ADGRL2: variants seen among roughly 807,000 people sequenced by gnomAD.
ADGRL2 encodes calcium-independent alpha-latrotoxin receptor 2.
A neutral mutation model predicts 157.4 loss-of-function variants in ADGRL2; 44 were observed. That is an observed-to-expected ratio of 0.28 (90% CI 0.22 to 0.36). ADGRL2 has a LOEUF of 0.36. ADGRL2 is among the 10% of genes least tolerant of loss of function. ADGRL2 has a pLI of 1.00. For synonymous variants in ADGRL2, 585 were observed against 624.7 expected (o/e 0.94, Z 0.95); for missense variants, 1,510 against 1,768.9 (o/e 0.85, Z 2.63).
intron 1 of ADGRL2, among the ~76,000 whole-genome samples, chr1:81,348,033 A>C (rs2100812203): frequency 6.6e-6 from 1 of 152,314 alleles, no homozygotes; most frequent in African/African-American, 2.4e-5. Context: ...GGGCAAGGCT[A>C]CTTCCTCCTT....
intron 11 of ADGRL2, among the ~76,000 whole-genome samples, chr1:81,956,991 TAAATC>T (rs2149152444): frequency 6.6e-6 from 1 of 152,276 alleles, no homozygotes; most frequent in Non-Finnish European, 1.5e-5. Flanking sequence ...GAAATGGACA[TAAATC>T]AAATTAGCAC....
chr1:81,876,063 TAA>T (rs1005930201), intron 2 of ADGRL2, among the ~76,000 whole-genome samples: 14 of 152,184 alleles, frequency 9.2e-5, no homozygotes, highest in African/African-American at 3.1e-4. Flanking sequence ...TAAGGTATTG[TAA>T]AAAGTTGGAC....
chr1:81,804,193 G>C (rs960837791), intron 1 of ADGRL2, among the ~76,000 whole-genome samples: 1 of 152,088 alleles, frequency 6.6e-6, no homozygotes, highest in South Asian at 2.1e-4. Flanking sequence ...ATTTACTTCT[G>C]TCCAGGTGTG....
At chr1:81,385,858 T>C (rs938632281) in intron 1 of ADGRL2, among the ~76,000 whole-genome samples, 3 of 152,036 alleles carry the variant, frequency 2.0e-5, no homozygotes, top group Admixed American at 6.5e-5. Flanking sequence ...TAAGTAAACA[T>C]AAAGATTTAC....
At chr1:81,723,138 A>G in intron 1 of ADGRL2, 3 of 640,076 alleles carry the variant, frequency 4.7e-6, no homozygotes, top group East Asian at 2.7e-5. Flanking sequence ...GGATGTCGCA[A>G]TAATACAAAC....
intron 1 of ADGRL2, among the ~76,000 whole-genome samples, chr1:81,712,897 G>C (rs11163351): frequency 0.4 from 60,355 of 150,846 alleles, 12,275 homozygotes; most frequent in Admixed American, 0.5. Context: ...TGTGTAGCTG[G>C]ACTGCAGGCA....
intron 2 of ADGRL2, among the ~76,000 whole-genome samples, chr1:81,486,670 CTTCA>C (rs2078509355): frequency 6.6e-6 from 1 of 152,090 alleles, no homozygotes; most frequent in Non-Finnish European, 1.5e-5. Flanking sequence ...TGTCCCTTGC[CTTCA>C]AAGTTAGAAA....
At chr1:81,485,561 T>C (rs972393453) in intron 2 of ADGRL2, among the ~76,000 whole-genome samples, 1 of 152,188 alleles carries the variant, frequency 6.6e-6, no homozygotes, top group Non-Finnish European at 1.5e-5. Flanking sequence ...TAATATACAA[T>C]ACTTTATTTC....
chr1:81,750,993 C>G (rs925362479), intron 1 of ADGRL2, among the ~76,000 whole-genome samples: 3 of 152,078 alleles, frequency 2.0e-5, no homozygotes, highest in African/African-American at 7.2e-5. Context: ...GAAATTAAGA[C>G]TCCTTAGAGA....
intron 6 of ADGRL2, 54 bp from the exon 7 acceptor site, chr1:81,950,133 CTG>C: frequency 3.5e-6 from 5 of 1,430,726 alleles, no homozygotes; most frequent in Middle Eastern, 1.8e-4. Context: ...GTGTGCATGA[CTG>C]TATGTGAGTG....
intron 6 of ADGRL2, among the ~76,000 whole-genome samples, chr1:81,949,467 G>T (rs78294369): frequency 0.012 from 1,886 of 152,312 alleles, 47 homozygotes; most frequent in African/African-American, 0.044. Flanking sequence ...GATATGAAGG[G>T]TTGGTTTGAA....
intron 3 of ADGRL2, among the ~76,000 whole-genome samples, chr1:81,635,853 C>T (rs1453932329): frequency 6.6e-6 from 1 of 152,190 alleles, no homozygotes; most frequent in Non-Finnish European, 1.5e-5. Flanking sequence ...AAGTAGCTTC[C>T]ATCAGTCACT....
At chr1:81,308,253 C>T (rs1433169110) in intron 1 of ADGRL2, among the ~76,000 whole-genome samples, 1 of 152,042 alleles carries the variant, frequency 6.6e-6, no homozygotes, top group Non-Finnish European at 1.5e-5. Flanking sequence ...CTATTTGAGC[C>T]ATGTAGTTGT....
At chr1:81,842,655 C>A (rs1034098269) in intron 2 of ADGRL2, among the ~76,000 whole-genome samples, 1 of 152,082 alleles carries the variant, frequency 6.6e-6, no homozygotes. Context: ...CACACCCAGC[C>A]TTTTTTGCTC....
At chr1:81,459,598 CA>C (rs2077878792) in intron 2 of ADGRL2, among the ~76,000 whole-genome samples, 1 of 152,046 alleles carries the variant, frequency 6.6e-6, no homozygotes, top group South Asian at 2.1e-4. Context: ...ATTGTTTCCA[CA>C]CCTTGGTTAT....
chr1:81,967,836 C>G (rs1396356349), intron 13 of ADGRL2, among the ~76,000 whole-genome samples, 190 bp from the exon 14 acceptor site: 1 of 152,064 alleles, frequency 6.6e-6, no homozygotes, highest in South Asian at 2.1e-4. Flanking sequence ...TAGAGTCTTT[C>G]GGACTATAAA....
At chr1:81,890,099 A>T (rs1553180613) in intron 2 of ADGRL2, among the ~76,000 whole-genome samples, 1 of 152,222 alleles carries the variant, frequency 6.6e-6, no homozygotes, top group Non-Finnish European at 1.5e-5. Flanking sequence ...CTCTGAATTG[A>T]ATCTTTTGAT....
At chr1:81,383,192 G>A (rs1570787198) in intron 1 of ADGRL2, among the ~76,000 whole-genome samples, 1 of 152,106 alleles carries the variant, frequency 6.6e-6, no homozygotes. Flanking sequence ...TTCCTCTAAC[G>A]TTATTCTAAA....
intron 1 of ADGRL2, among the ~76,000 whole-genome samples, chr1:81,422,187 C>CTT (rs33976349): frequency 0.018 from 2,797 of 151,646 alleles, 29 homozygotes; most frequent in Non-Finnish European, 0.027. Flanking sequence ...TCTCAAACTT[C>CTT]TTTTTTTTTT....
Sources: allele counts gnomAD v4.1 joint callset (sites outside exome capture counted in the v4.1 genomes callset), GRCh38; gene constraint gnomAD v4.1.1; transcripts MANE v1.5; gene names NCBI Gene and HGNC (gene_info 2026-07-23, HGNC 2026-07-21).